Variants in DLG2 observed in about 807,000 individuals in gnomAD.
DLG2 encodes disks large homolog 2.
A neutral mutation model predicts 132.5 loss-of-function variants in DLG2; 45 were observed. The ratio of observed to expected loss-of-function variants is 0.34; its 90% confidence interval spans 0.27 to 0.44. DLG2 has a LOEUF of 0.44. Ranked by LOEUF, DLG2 falls within the 20% of genes least tolerant of loss-of-function variation. The pLI, the probability that DLG2 is intolerant of heterozygous loss-of-function variation, is 1.00. For missense variants in DLG2, 1,045 were observed against 1,196.9 expected (o/e 0.87, Z 1.87); for synonymous variants, 424 against 419.6 (o/e 1.01, Z -0.13).
At chr11:84,932,914 T>C (rs1222797865) in intron 6 of DLG2, among the ~76,000 whole-genome samples, 1 of 152,332 alleles carries the variant, frequency 6.6e-6, no homozygotes, top group South Asian at 2.1e-4. Flanking sequence ...TATTTCTGGT[T>C]CTAGATCCTT....
intron 7 of DLG2, among the ~76,000 whole-genome samples, chr11:84,309,187 C>A (rs80194062): frequency 1.3e-5 from 2 of 152,180 alleles, no homozygotes; most frequent in Non-Finnish European, 2.9e-5. Context: ...ATGCACCCCC[C>A]GAGCCTAAAA....
At chr11:85,502,367 C>T (rs2153131854) in intron 3 of DLG2, among the ~76,000 whole-genome samples, 1 of 151,706 alleles carries the variant, frequency 6.6e-6, no homozygotes, top group South Asian at 2.1e-4. Flanking sequence ...CACGTGTATA[C>T]CTGTGTAACA....
chr11:84,074,619 C>T (rs1594712392), intron 10 of DLG2, among the ~76,000 whole-genome samples: 1 of 151,340 alleles, frequency 6.6e-6, no homozygotes, highest in East Asian at 1.9e-4. Context: ...ACCTCCGCCT[C>T]CCGGGTTCAC....
rs148959222 is a variant in DLG2, at chr11:84,785,250, T to A, written c.358-250519A>T. Reference sequence around the variant, plus strand: ...TATTTGTTTAAAAATATGCTTTTTTTAAATAAAAAAAAATTCTCCTGTAGT... The same window carrying A: ...TATTTGTTTAAAAATATGCTTTTTTAAAATAAAAAAAAATTCTCCTGTAGT... On this transcript the variant is annotated intron_variant, in intron 6 of 27. Coordinates refer to ENST00000376104, the MANE Select transcript of DLG2 (RefSeq NM_001142699.3). Among the ~76,000 whole-genome samples, 244 of 152,190 alleles carry A rather than the reference T, an allele frequency of 1.6e-3. 1 individual carries two copies. Among genetic ancestry groups the A allele is most frequent in the African/African-American group, 5.5e-3 (229 of 41,552 alleles).
At position 85,627,233 on chromosome 11, in the gene DLG2, G is replaced by C. The variant is rs1372228646; in HGVS notation, c.-275C>G. The C allele has an allele frequency of 6.6e-6, 1 of 152,140 alleles. No individual in the cohort carries two copies. Among genetic ancestry groups the C allele is most frequent in the Non-Finnish European group, 1.5e-5 (1 of 68,058 alleles). The allele number at this position is 152,140 out of a possible 1,614,324, so 9.4% of individuals were successfully genotyped here. On this transcript the variant is annotated 5_prime_UTR_variant, in exon 1 of 28. Coordinates refer to ENST00000376104, the MANE Select transcript of DLG2 (RefSeq NM_001142699.3). ...CGGATCTCACCCCCTCAGTAACTCA[G>C]AATCCAGCTTGCTGTCCCTTTCATT...
In DLG2 at chr11:85,122,672, C is replaced by T. The variant is rs532604388; in HGVS notation, c.283-10937G>A. ...CAGATTCTGATTCAGTAGTTTCACA[C>T]GGGGACTAAGATCCTGCATTTCCAG... On this transcript the variant is annotated intron_variant, in intron 5 of 27. Transcript: ENST00000376104. Among the ~76,000 whole-genome samples the T allele has an allele frequency of 2.3e-4, 35 of 151,944 alleles. No homozygotes were observed. In the South Asian group the frequency reaches 5.4e-3, roughly 24 times the overall value.
chr11:84,078,268 G>A (rs1050140060), intron 10 of DLG2, among the ~76,000 whole-genome samples: 2 of 152,134 alleles, frequency 1.3e-5, no homozygotes, highest in African/African-American at 2.4e-5. Context: ...AGATGGGAAT[G>A]GGAAGAAAAC....
At chr11:85,006,124 G>C (rs1212605491) in intron 6 of DLG2, among the ~76,000 whole-genome samples, 1 of 152,064 alleles carries the variant, frequency 6.6e-6, no homozygotes, top group Non-Finnish European at 1.5e-5. Flanking sequence ...GATTCAGTTT[G>C]CCCATAGTTT....
At chr11:83,622,018 G>A (rs2061709255) in intron 19 of DLG2, among the ~76,000 whole-genome samples, 2 of 152,136 alleles carry the variant, frequency 1.3e-5, no homozygotes, top group African/African-American at 2.4e-5. Flanking sequence ...TGGCTCAAGC[G>A]ATTCTCCTGC....
chr11:83,518,590 A>G (rs2095376738), intron 21 of DLG2, among the ~76,000 whole-genome samples: 1 of 152,190 alleles, frequency 6.6e-6, no homozygotes, highest in Non-Finnish European at 1.5e-5. Flanking sequence ...TCAGTTGGAA[A>G]TGCAGAAGTG....
At chr11:84,826,664 C>T (rs779378688) in intron 6 of DLG2, among the ~76,000 whole-genome samples, 4 of 151,656 alleles carry the variant, frequency 2.6e-5, no homozygotes, top group Non-Finnish European at 5.9e-5. Flanking sequence ...AGACAGTGCT[C>T]TATTCATTTG....
At chr11:85,238,566 A>G (rs1005740646) in intron 4 of DLG2, among the ~76,000 whole-genome samples, 1 of 151,992 alleles carries the variant, frequency 6.6e-6, no homozygotes, top group African/African-American at 2.4e-5. Flanking sequence ...TTTAAAGCCA[A>G]ACCTCTTTCT....
intron 7 of DLG2, among the ~76,000 whole-genome samples, chr11:84,488,807 TA>T (rs2099157383): frequency 6.6e-6 from 1 of 152,178 alleles, no homozygotes; most frequent in Non-Finnish European, 1.5e-5. Context: ...TACTGTAGTT[TA>T]TCTGTAACTT....
At chr11:85,081,701 G>A (rs2067250469) in intron 6 of DLG2, among the ~76,000 whole-genome samples, 1 of 152,170 alleles carries the variant, frequency 6.6e-6, no homozygotes, top group Admixed American at 6.5e-5. Context: ...TTTAATGTAA[G>A]CTATTGGAGT....
intron 4 of DLG2, among the ~76,000 whole-genome samples, chr11:85,236,009 CT>C (rs376518515): frequency 1.1e-4 from 17 of 151,794 alleles, no homozygotes; most frequent in Non-Finnish European, 2.4e-4. Flanking sequence ...TATTTTAACA[CT>C]TCTATAGTCA....
intron 6 of DLG2, among the ~76,000 whole-genome samples, chr11:84,716,941 A>G (rs1415634006): frequency 2.6e-5 from 4 of 152,056 alleles, no homozygotes; most frequent in Non-Finnish European, 5.9e-5. Flanking sequence ...CCTAGCATGG[A>G]AAGACACTCC....
At chr11:84,371,635 G>A (rs2098707005) in intron 7 of DLG2, among the ~76,000 whole-genome samples, 2 of 152,146 alleles carry the variant, frequency 1.3e-5, no homozygotes, top group African/African-American at 2.4e-5. Flanking sequence ...ATTTTAAAAT[G>A]TAAGATTAAA....
At chr11:84,303,277 T>G (rs75778274) in intron 7 of DLG2, among the ~76,000 whole-genome samples, 246 of 152,292 alleles carry the variant, frequency 1.6e-3, no homozygotes, top group African/African-American at 5.7e-3. Context: ...AAACTGAGCT[T>G]TGGACAATGA....
intron 5 of DLG2, among the ~76,000 whole-genome samples, chr11:85,121,620 G>C (rs1280882526): frequency 2.0e-5 from 3 of 151,922 alleles, no homozygotes; most frequent in African/African-American, 7.2e-5. Flanking sequence ...GTTTATCATA[G>C]ATGTGATTCA....
Sources: gnomAD v4.1 joint callset for allele counts (sites outside exome capture counted in the v4.1 genomes callset) on GRCh38, gnomAD v4.1.1 for gene constraint, MANE v1.5 for transcripts, NCBI Gene and HGNC (gene_info 2026-07-23, HGNC 2026-07-21) for gene names.